DLG2: variants seen among roughly 807,000 people sequenced by gnomAD.
DLG2 encodes the protein discs large MAGUK scaffold protein 2.
DLG2 carries 45 observed loss-of-function variants against 132.5 expected under a neutral mutation model. The observed-to-expected ratio is 0.34, with a 90% CI of 0.27 to 0.44. DLG2 has a LOEUF of 0.44. Ranked by LOEUF, DLG2 falls within the 20% of genes least tolerant of loss-of-function variation. The probability of loss-of-function intolerance (pLI) is 1.00; values close to 1 mark genes in which losing one functional copy is unlikely to be tolerated. For missense variants in DLG2, 1,045 were observed against 1,196.9 expected (o/e 0.87, Z 1.87); for synonymous variants, 424 against 419.6 (o/e 1.01, Z -0.13).
At chr11:83,995,830 G>C (rs1010057248) in intron 11 of DLG2, among the ~76,000 whole-genome samples, 17 of 151,964 alleles carry the variant, frequency 1.1e-4, no homozygotes, top group African/African-American at 3.6e-4. Context: ...AAATCAAAAG[G>C]CATTAAAGAC....
intron 11 of DLG2, among the ~76,000 whole-genome samples, chr11:84,041,594 T>C (rs2096081792): frequency 6.6e-6 from 1 of 152,036 alleles, no homozygotes; most frequent in Non-Finnish European, 1.5e-5. Context: ...GAATATTTTC[T>C]CCACTCTATG....
intron 10 of DLG2, among the ~76,000 whole-genome samples, chr11:84,098,372 C>G (rs2097195927): frequency 6.6e-6 from 1 of 152,060 alleles, no homozygotes; most frequent in Non-Finnish European, 1.5e-5. Flanking sequence ...AAGCTGCTTT[C>G]CCTTTTTTTC....
intron 18 of DLG2, among the ~76,000 whole-genome samples, chr11:83,714,073 T>G (rs1297459654): frequency 6.6e-6 from 1 of 152,182 alleles, no homozygotes; most frequent in Admixed American, 6.5e-5. Flanking sequence ...ATAAAACAAC[T>G]TGATTCCAAA....
intron 5 of DLG2, among the ~76,000 whole-genome samples, chr11:85,147,512 G>C (rs139678034): frequency 2.0e-5 from 3 of 152,118 alleles, no homozygotes; most frequent in African/African-American, 7.2e-5. Flanking sequence ...AGTTGTATAA[G>C]TTCTTTATAA....
intron 10 of DLG2, among the ~76,000 whole-genome samples, chr11:84,086,387 A>C (rs1197682835): frequency 6.6e-6 from 1 of 152,114 alleles, no homozygotes; most frequent in African/African-American, 2.4e-5. Context: ...TGCCCTTTTA[A>C]AGTGCATAAT....
intron 13 of DLG2, 55 bp downstream of exon 13, chr11:83,965,269 A>G: frequency 6.5e-7 from 1 of 1,539,540 alleles, no homozygotes; most frequent in South Asian, 1.2e-5. Context: ...ACAGTTTTAT[A>G]GAATTCCAGT....
At chr11:85,246,658 A>G (rs1239215666) in intron 4 of DLG2, among the ~76,000 whole-genome samples, 1 of 151,910 alleles carries the variant, frequency 6.6e-6, no homozygotes. Flanking sequence ...CAGTAACTAA[A>G]ATCTACATGT....
In DLG2 at chr11:84,384,733, G is replaced by T. The variant is rs2098762217; in HGVS notation, c.520-133442C>A. Among the ~76,000 whole-genome samples, 5 of 151,972 alleles carry T rather than the reference G, an allele frequency of 3.3e-5. No individual in the cohort carries two copies. The South Asian group carries it at 1.0e-3, about 32-fold the overall frequency. ...AACCCTACATATTCCTTTAAATAAA[G>T]TATCTGCCCAAAAAACCTAAGACAT... On this transcript the variant is annotated intron_variant, in intron 7 of 27. Transcript: ENST00000376104.
chr11:84,946,436 T>A (rs1420311675), intron 6 of DLG2, among the ~76,000 whole-genome samples: 1 of 152,086 alleles, frequency 6.6e-6, no homozygotes, highest in African/African-American at 2.4e-5. Context: ...TGTTGAATTC[T>A]GCCAGGACTG....
chr11:83,898,431 CAGAAGAT>C lies in DLG2; in HGVS notation c.1497-23950_1497-23944del, dbSNP rs2072412057. Among the ~76,000 whole-genome samples, 3 of 151,892 alleles carry C rather than the reference CAGAAGAT, an allele frequency of 2.0e-5. No individual in the cohort carries two copies. The South Asian group carries it at 6.2e-4, about 32-fold the overall frequency. On this transcript the variant is annotated intron_variant, in intron 15 of 27. Transcript: ENST00000376104. ...TTATAAATTTGTTTTTGTATAGACT[CAGAAGAT>C]AGAAAAGTCATAACGACATTTTCTT... is the stretch of plus-strand genomic sequence containing the variant.
At chr11:84,487,219 T>C (rs1166484739) in intron 7 of DLG2, among the ~76,000 whole-genome samples, 1 of 152,138 alleles carries the variant, frequency 6.6e-6, no homozygotes, top group Admixed American at 6.6e-5. Context: ...GTTTACTTGG[T>C]TCTAAATATA....
rs2099326301 is a variant in DLG2, at chr11:84,527,893, T to TCTCTCTCTC, written c.519+6676_519+6677insGAGAGAGAG. Among the ~76,000 whole-genome samples, 5 of 125,662 alleles carry TCTCTCTCTC rather than the reference T, an allele frequency of 4.0e-5. No individual in the cohort carries two copies. In the East Asian group the frequency reaches 7.6e-4, roughly 19 times the overall value. 82.4% of individuals were successfully genotyped at this position (125,662 alleles called of 152,430 possible). ...GAGGACAGCAGTTAACTCCCTCCCT[T>TCTCTCTCTC]TCTCTCTCTCTCTCTCTCTCTCTCT... On this transcript the variant is annotated intron_variant, in intron 7 of 27. Transcript: ENST00000376104.
intron 18 of DLG2, among the ~76,000 whole-genome samples, chr11:83,703,146 G>A (rs898443247): frequency 6.6e-6 from 1 of 152,070 alleles, no homozygotes; most frequent in African/African-American, 2.4e-5. Flanking sequence ...TATTTCCTCT[G>A]TAGCTCACAA....
intron 7 of DLG2, among the ~76,000 whole-genome samples, chr11:84,313,641 A>AAAGAAAGAAAG (rs2098320732): frequency 7.7e-6 from 1 of 129,180 alleles, no homozygotes; most frequent in Non-Finnish European, 1.6e-5. Context: ...GAAAGAGAGA[A>AAAGAAAGAAAG]AAAGAAAGAA....
At chr11:84,632,278 A>G (rs756152164) in intron 6 of DLG2, among the ~76,000 whole-genome samples, 1 of 152,006 alleles carries the variant, frequency 6.6e-6, no homozygotes, top group Non-Finnish European at 1.5e-5. Flanking sequence ...TTTCCAAGAC[A>G]GAAGCAGACA....
chr11:84,652,035 G>A (rs2099682650), intron 6 of DLG2, among the ~76,000 whole-genome samples: 3 of 152,072 alleles, frequency 2.0e-5, no homozygotes, highest in Admixed American at 2.0e-4. Flanking sequence ...AGAGGGAAGA[G>A]AGGAAAAAAA....
intron 7 of DLG2, among the ~76,000 whole-genome samples, chr11:84,430,640 T>C (rs1019735061): frequency 4.6e-5 from 7 of 152,156 alleles, no homozygotes; most frequent in African/African-American, 1.4e-4. Context: ...TCCAGCCTAC[T>C]CCTGCCTTCC....
intron 18 of DLG2, among the ~76,000 whole-genome samples, chr11:83,724,005 G>A (rs896749327): frequency 1.3e-5 from 2 of 152,182 alleles, no homozygotes; most frequent in Non-Finnish European, 2.9e-5. Context: ...AATCTGAGCT[G>A]ACATTCTTAA....
At chr11:84,648,978 GATTT>G (rs1467978984) in intron 6 of DLG2, among the ~76,000 whole-genome samples, 4 of 151,952 alleles carry the variant, frequency 2.6e-5, no homozygotes, top group Middle Eastern at 3.2e-3. Context: ...GAGTAATTAT[GATTT>G]ATTATTTTTT....
Sources: gnomAD v4.1 joint callset for allele counts (sites outside exome capture counted in the v4.1 genomes callset) on GRCh38, gnomAD v4.1.1 for gene constraint, MANE v1.5 for transcripts, NCBI Gene and HGNC (gene_info 2026-07-23, HGNC 2026-07-21) for gene names.